Variants in PER2 observed in about 807,000 individuals in gnomAD.
PER2 encodes the protein period circadian protein homolog 2.
A neutral mutation model predicts 121.0 loss-of-function variants in PER2; 66 were observed. The ratio of observed to expected loss-of-function variants is 0.55; its 90% CI spans 0.45 to 0.67. The LOEUF (loss-of-function observed/expected upper bound fraction) is 0.67. Ranked by LOEUF, PER2 falls within the 30% of genes least tolerant of loss-of-function variation. The pLI, the probability that PER2 is intolerant of heterozygous loss-of-function variation, is 0.00. For synonymous variants in PER2, 684 were observed against 659.9 expected (o/e 1.04, Z -0.56); for missense variants, 1,521 against 1,635.0 (o/e 0.93, Z 1.20).
At position 238,277,967 on chromosome 2, in the gene PER2, A is replaced by G; in HGVS notation, c.-19-12T>C. Reference sequence around the variant, plus strand: ...GCTCTGGAACGAAGCTGGCAAACAGAGGGATGCTGTCACGCATTAACAAGC... The same window carrying G: ...GCTCTGGAACGAAGCTGGCAAACAGGGGGATGCTGTCACGCATTAACAAGC... On this transcript the variant is annotated splice_polypyrimidine_tract_variant and intron_variant, in intron 1 of 22. Coordinates refer to ENST00000254657, the MANE Select transcript of PER2 (RefSeq NM_022817.3). 1 of 1,609,142 alleles carries G rather than the reference A, an allele frequency of 6.2e-7. No individual in the cohort carries two copies. Among genetic ancestry groups the G allele is most frequent in the Admixed American group, 1.7e-5 (1 of 59,326 alleles).
chr2:238,249,300 ATT>A, intron 21 of PER2, 88 bp from the exon 22 acceptor site: 2 of 1,357,110 alleles, frequency 1.5e-6, no homozygotes, highest in Non-Finnish European at 2.0e-6. Flanking sequence ...GTTTTAGATG[ATT>A]TTGTTTAATG....
the PER2 span, among the ~76,000 whole-genome samples, chr2:238,296,034 C>T: frequency 6.6e-6 from 1 of 150,782 alleles, no homozygotes; most frequent in Non-Finnish European, 1.5e-5. Context: ...TGCCCTCCTG[C>T]TGCAGAGTCA....
intron 1 of PER2, among the ~76,000 whole-genome samples, chr2:238,282,978 C>T (rs957445582): frequency 1.3e-5 from 2 of 152,354 alleles, no homozygotes; most frequent in South Asian, 2.1e-4. Flanking sequence ...TCTGGCTTCA[C>T]ACCTGAGGCT....
chr2:238,282,269 G>A (rs1424841513), intron 1 of PER2, among the ~76,000 whole-genome samples: 1 of 152,114 alleles, frequency 6.6e-6, no homozygotes, highest in Non-Finnish European at 1.5e-5. Context: ...TCTTGCAGAT[G>A]CCTGGGCAGC....
In PER2 at chr2:238,244,139, A is replaced by AT. The variant is rs1412882542; in HGVS notation, c.*2235_*2236insA. On this transcript the variant is annotated 3_prime_UTR_variant, in exon 23 of 23. Coordinates refer to ENST00000254657, the MANE Select transcript of PER2 (RefSeq NM_022817.3). ...AACAAATCTATTGCACTGGGTAAAGAAAGTTTGGTTTGCACACAAACAAAC... is the reference window on the plus strand; with the variant it reads ...AACAAATCTATTGCACTGGGTAAAGATAAGTTTGGTTTGCACACAAACAAAC... 2 of 152,546 alleles carry AT rather than the reference A, an allele frequency of 1.3e-5. No individual in the cohort carries two copies. 9.4% of individuals were successfully genotyped at this position (152,546 alleles called of 1,614,324 possible). A position where few individuals can be genotyped will look rare whatever the true frequency, so the allele number is the denominator to read the frequency against.
intron 1 of PER2, among the ~76,000 whole-genome samples, chr2:238,285,143 G>C (rs897918124): frequency 1.3e-5 from 2 of 152,278 alleles, no homozygotes. Context: ...CTGCCCTTGA[G>C]GCCCTCTTTG....
chr2:238,292,101 T>A (rs994802606), upstream of PER2, among the ~76,000 whole-genome samples: 4 of 152,198 alleles, frequency 2.6e-5, no homozygotes, highest in Non-Finnish European at 5.9e-5. Flanking sequence ...GAGGTTGCAG[T>A]GAACTGTGAT....
chr2:238,257,069 T>G lies in PER2; in HGVS notation c.1918A>C (p.Arg640=). 6.2e-7 allele frequency: 1 copy of G among 1,612,686 alleles called. No homozygotes were observed. Among genetic ancestry groups the G allele is most frequent in the Non-Finnish European group, 8.5e-7 (1 of 1,179,912 alleles). Reference sequence around the variant, plus strand: ...CCTACTCCCGTGCGGCTGTTCACCCTGGAGGGCGGCTCTGCCTCTTCATGA... The same window carrying G: ...CCTACTCCCGTGCGGCTGTTCACCCGGGAGGGCGGCTCTGCCTCTTCATGA... ...PHAGEAEPPS[R]VNSRTGVGTH... is the part of the protein sequence containing the mutation. The change falls in exon 17 of 23, where the codon AGG becomes CGG. Residue 640 remains arginine (R), a synonymous_variant. Transcript: ENST00000254657.
chr2:238,248,655 A>AT lies in PER2; in HGVS notation c.3618+406_3618+407insA, dbSNP rs1275825077. Among the ~76,000 whole-genome samples, 7 of 129,756 alleles carry AT rather than the reference A, an allele frequency of 5.4e-5. No homozygotes were observed. The East Asian group carries it at 1.3e-3, about 23-fold the overall frequency. 85.1% of individuals were successfully genotyped at this position (129,756 alleles called of 152,430 possible). Reference sequence around the variant, plus strand: ...AAAAACATAAACCTTTAATTTTAGAAATTTTTTTTTTTTTTTTTGAGACAG... The same window carrying AT: ...AAAAACATAAACCTTTAATTTTAGAATATTTTTTTTTTTTTTTTTGAGACAG... On this transcript the variant is annotated intron_variant, in intron 22 of 22. Coordinates refer to ENST00000254657, the MANE Select transcript of PER2 (RefSeq NM_022817.3).
intron 1 of PER2, among the ~76,000 whole-genome samples, chr2:238,287,466 T>C (rs887137275): frequency 1.3e-5 from 2 of 152,218 alleles, no homozygotes; most frequent in African/African-American, 4.8e-5. Flanking sequence ...TGCTGTGCCA[T>C]ATACAGGTGA....
At chr2:238,255,630 C>G in intron 18 of PER2, 27 bp downstream of exon 18, 1 of 1,612,868 alleles carries the variant, frequency 6.2e-7, no homozygotes, top group Non-Finnish European at 8.5e-7. Context: ...TTTTTTAAAA[C>G]GCACTTTTAA....
the PER2 span, among the ~76,000 whole-genome samples, chr2:238,298,031 C>CTTTTT: frequency 1.6e-5 from 2 of 128,416 alleles, no homozygotes; most frequent in Non-Finnish European, 3.2e-5. Context: ...AGCTTTTGTT[C>CTTTTT]TTTTTTTTTT....
At chr2:238,275,176 C>T (rs1343768489) in intron 4 of PER2, among the ~76,000 whole-genome samples, 1 of 152,132 alleles carries the variant, frequency 6.6e-6, no homozygotes, top group African/African-American at 2.4e-5. Flanking sequence ...TGTACAAGAT[C>T]CACCAGCCCC....
At chr2:238,272,467 G>C (rs1364559863) in intron 5 of PER2, among the ~76,000 whole-genome samples, 1 of 152,250 alleles carries the variant, frequency 6.6e-6, no homozygotes, top group African/African-American at 2.4e-5. Context: ...GTTGGGGGCT[G>C]CCTGGGGGTT....
rs371161749 is a variant in PER2 at position 238,251,766 on chromosome 2, A to G, written c.3112-5T>C. ...TGTGTCTGAGGGTTCATCACGCTTT[A>G]GGGACAGGAAGCAGATACTGCTGTT... On this transcript the variant is annotated splice_region_variant and splice_polypyrimidine_tract_variant and intron_variant, in intron 19 of 22. Coordinates refer to ENST00000254657, the MANE Select transcript of PER2 (RefSeq NM_022817.3). The G allele has an allele frequency of 2.9e-6, 4 of 1,385,514 alleles. No homozygotes were observed. The highest frequency in any genetic ancestry group is 1.6e-5 in the African/African-American group (1 of 63,658). 85.8% of individuals were successfully genotyped at this position (1,385,514 alleles called of 1,614,324 possible). A position where few individuals can be genotyped will look rare whatever the true frequency, so the allele number is the denominator to read the frequency against.
rs574754937 is a variant in PER2, at chr2:238,255,999, T to C, written c.2066-88A>G. 339 of 1,502,900 alleles carry C rather than the reference T, an allele frequency of 2.3e-4. 1 individual carries two copies. In the South Asian group the frequency reaches 3.7e-3, roughly 16 times the overall value. 93.1% of individuals were successfully genotyped at this position (1,502,900 alleles called of 1,614,324 possible). A position where few individuals can be genotyped will look rare whatever the true frequency, so the allele number is the denominator to read the frequency against. ...CTATATTCACGAACAAGACAAATCA[T>C]TCACGTATAAAGTAATTTCATGATG... On this transcript the variant is annotated intron_variant, in intron 17 of 22. Coordinates refer to ENST00000254657, the MANE Select transcript of PER2 (RefSeq NM_022817.3).
chr2:238,295,551 G>C, the PER2 span: 1 of 152,382 alleles, frequency 6.6e-6, no homozygotes, highest in Non-Finnish European at 1.5e-5. Flanking sequence ...TTACCTCAGG[G>C]TGGAGGCATC....
At chr2:238,293,746 AAAG>A (rs1407934876), upstream of PER2, among the ~76,000 whole-genome samples, 2 of 151,482 alleles carry the variant, frequency 1.3e-5, no homozygotes, top group African/African-American at 2.4e-5. Flanking sequence ...AAAAAAAAAA[AAAG>A]AAAGAAAAAG....
intron 16 of PER2, among the ~76,000 whole-genome samples, chr2:238,257,754 G>T (rs965238033): frequency 6.6e-6 from 1 of 152,252 alleles, no homozygotes; most frequent in African/African-American, 2.4e-5. Flanking sequence ...GATTACAGGC[G>T]TGAGCCACCG....
Sources: gnomAD v4.1 joint callset for allele counts (sites outside exome capture counted in the v4.1 genomes callset) on GRCh38, gnomAD v4.1.1 for gene constraint, MANE v1.5 for transcripts, NCBI Gene and HGNC (gene_info 2026-07-23, HGNC 2026-07-21) for gene names.